Variants in CDH1 observed in about 807,000 individuals in gnomAD.
CDH1 encodes the protein cadherin-1.
In CDH1, 35 loss-of-function variants were observed where a neutral mutation model predicts 84.5. The ratio of observed to expected loss-of-function variants is 0.41; its 90% CI spans 0.32 to 0.55. CDH1 has a LOEUF of 0.55. Among genes scored for constraint, CDH1 ranks in the 20% least tolerant of loss-of-function variants. The pLI, the probability that CDH1 is intolerant of heterozygous loss-of-function variation, is 0.19. For missense variants in CDH1, 994 were observed against 1,126.6 expected, an observed-to-expected ratio of 0.88 and a Z score of 1.68; for synonymous variants, 417 against 439.0, an observed-to-expected ratio of 0.95 and a Z score of 0.63.
At chr16:68,764,275 A>G (rs748595849) in intron 2 of CDH1, among the ~76,000 whole-genome samples, 1 of 152,096 alleles carries the variant, frequency 6.6e-6, no homozygotes, top group East Asian at 1.9e-4. Flanking sequence ...GAGTGGAATT[A>G]CCAGTCTAAA....
At chr16:68,756,128 G>T (rs1411951094) in intron 2 of CDH1, among the ~76,000 whole-genome samples, 1 of 150,042 alleles carries the variant, frequency 6.7e-6, no homozygotes, top group African/African-American at 2.5e-5. Flanking sequence ...ATCATTTAGG[G>T]CATATTTTTT....
At chr16:68,783,388 C>CAAAAA (rs375080273) in intron 2 of CDH1, among the ~76,000 whole-genome samples, 1 of 61,970 alleles carries the variant, frequency 1.6e-5, no homozygotes, top group Non-Finnish European at 3.3e-5. Context: ...CAGAGTATCT[C>CAAAAA]AAAAAAAAAA....
intron 13 of CDH1, among the ~76,000 whole-genome samples, chr16:68,823,904 C>T (rs1474606386): frequency 6.6e-6 from 1 of 151,608 alleles, no homozygotes; most frequent in East Asian, 1.9e-4. Flanking sequence ...GCATCCCAAG[C>T]TTGAGAGCAT....
intron 9 of CDH1, 113 bp downstream of exon 9, chr16:68,813,608 C>T (rs150349242): frequency 9.5e-7 from 1 of 1,052,308 alleles, no homozygotes; most frequent in Non-Finnish European, 1.5e-6. Flanking sequence ...GACAGGGTGA[C>T]TTTCCCAGAT....
chr16:68,800,858 C>T (rs990100552), intron 2 of CDH1, among the ~76,000 whole-genome samples: 1 of 152,172 alleles, frequency 6.6e-6, no homozygotes, highest in African/African-American at 2.4e-5. Flanking sequence ...TTTCTTTTTA[C>T]CTATTACCAC....
At chr16:68,747,807 A>G (rs180826053) in intron 2 of CDH1, among the ~76,000 whole-genome samples, 6 of 152,182 alleles carry the variant, frequency 3.9e-5, no homozygotes, top group African/African-American at 1.2e-4. Context: ...TCTATTGTCC[A>G]GGCTGGAGTG....
chr16:68,771,468 T>A (rs1959570176), intron 2 of CDH1, among the ~76,000 whole-genome samples: 1 of 152,034 alleles, frequency 6.6e-6, no homozygotes, highest in African/African-American at 2.4e-5. Context: ...AAAAAATTTT[T>A]TGTAGCCGGG....
chr16:68,817,636 C>G (rs143570297), intron 10 of CDH1, among the ~76,000 whole-genome samples: 396 of 152,248 alleles, frequency 2.6e-3, no homozygotes, highest in Middle Eastern at 6.8e-3. Context: ...AGGGAGGCCA[C>G]AGCATCACCT....
At chr16:68,802,409 A>G in intron 3 of CDH1, among the ~76,000 whole-genome samples, 1 of 152,162 alleles carries the variant, frequency 6.6e-6, no homozygotes, top group East Asian at 1.9e-4. Context: ...ATACTTAGTC[A>G]TTGTTAGCTG....
chr16:68,778,874 G>A (rs957210284), intron 2 of CDH1, among the ~76,000 whole-genome samples: 1 of 152,164 alleles, frequency 6.6e-6, no homozygotes, highest in Non-Finnish European at 1.5e-5. Context: ...AATTGATTGA[G>A]GGGGAGAGAG....
intron 2 of CDH1, among the ~76,000 whole-genome samples, chr16:68,799,938 A>T (rs1316589684): frequency 6.6e-6 from 1 of 151,566 alleles, no homozygotes; most frequent in Non-Finnish European, 1.5e-5. Flanking sequence ...TGAACCCAGG[A>T]GGCGGAGGTT....
At position 68,823,091 on chromosome 16, in the gene CDH1, G is replaced by C. The variant is rs1961208772; in HGVS notation, c.1937-308G>C. 13 of 350,142 alleles carry C rather than the reference G, an allele frequency of 3.7e-5. No homozygotes were observed. In the South Asian group the frequency reaches 4.1e-4, roughly 11 times the overall value. The allele number at this position is 350,142 out of a possible 1,614,324, so 21.7% of individuals were successfully genotyped here. On this transcript the variant is annotated intron_variant, in intron 12 of 15. Transcript: ENST00000261769. ...GCTGGGCAAAAAGGTTCACCCTCAG[G>C]CACACGGGAGCCTACCGAACCCAGC... is the stretch of plus-strand genomic sequence containing the variant.
At chr16:68,795,528 T>C (rs62055763) in intron 2 of CDH1, among the ~76,000 whole-genome samples, 4,485 of 151,910 alleles carry the variant, frequency 0.03, 105 homozygotes, top group South Asian at 0.089. Context: ...TCTTTTTTGC[T>C]CTGTCACCTA....
At chr16:68,788,415 G>A (rs1486192359) in intron 2 of CDH1, among the ~76,000 whole-genome samples, 2 of 152,176 alleles carry the variant, frequency 1.3e-5, no homozygotes, top group African/African-American at 4.8e-5. Flanking sequence ...CACCTCCCAA[G>A]TTCCCTTGGG....
intron 2 of CDH1, among the ~76,000 whole-genome samples, chr16:68,781,379 A>C (rs1215463838): frequency 6.6e-6 from 1 of 152,086 alleles, no homozygotes; most frequent in Non-Finnish European, 1.5e-5. Context: ...TCACTCTGTC[A>C]TCCAGGCTGG....
rs1188775959 is a variant in CDH1 at position 68,755,282 on chromosome 16, C to CAAAAAA, written c.163+16888_163+16893dup. 4.3e-3 allele frequency among the ~76,000 whole-genome samples: 415 copies of CAAAAAA among 96,000 alleles called. 19 individuals carry two copies. Among genetic ancestry groups the CAAAAAA allele is most frequent in the Middle Eastern group, 6.4e-3 (1 of 156 alleles). 63.0% of individuals were successfully genotyped at this position (96,000 alleles called of 152,430 possible). Reference sequence around the variant, plus strand: ...TGGGTGACAGGGCAAGACTCTGTCTCAAAAAAAAAAAAAAAAAAAAAATAG... The same window carrying CAAAAAA: ...TGGGTGACAGGGCAAGACTCTGTCTCAAAAAAAAAAAAAAAAAAAAAAAAAAAATAG... On this transcript the variant is annotated intron_variant, in intron 2 of 15. Coordinates refer to ENST00000261769, the MANE Select transcript of CDH1 (RefSeq NM_004360.5).
Position 68,738,332 on chromosome 16 carries a change from C to T in CDH1, c.84C>T (p.Cys28=), listed in dbSNP as rs587780789. Residue 28 remains cysteine, a synonymous_variant, in exon 2 of 16, where the codon TGC becomes TGT. Transcript: ENST00000261769. Reference sequence around the variant, plus strand: ...GGCTCTGCCAGGAGCCGGAGCCCTGCCACCCTGGCTTTGACGCCGAGAGCT... The same window carrying T: ...GGCTCTGCCAGGAGCCGGAGCCCTGTCACCCTGGCTTTGACGCCGAGAGCT... ...SSWLCQEPEP[C]HPGFDAESYT... is the part of the protein sequence containing the mutation. The T allele has an allele frequency of 1.1e-4, 169 of 1,536,408 alleles. No homozygotes were observed. The highest frequency in any genetic ancestry group is 1.4e-4 in the Non-Finnish European group (165 of 1,140,142).
intron 11 of CDH1, among the ~76,000 whole-genome samples, chr16:68,820,164 T>C (rs899195840): frequency 6.6e-6 from 1 of 151,470 alleles, no homozygotes; most frequent in Non-Finnish European, 1.5e-5. Flanking sequence ...GCGCCACTGC[T>C]CTCCATCCTG....
intron 2 of CDH1, among the ~76,000 whole-genome samples, chr16:68,766,135 T>A (rs1407508425): frequency 6.6e-6 from 1 of 152,114 alleles, no homozygotes; most frequent in Non-Finnish European, 1.5e-5. Flanking sequence ...GGTGCGCGCC[T>A]GTAGTCCCAG....
Sources: gnomAD v4.1 joint callset for allele counts (sites outside exome capture counted in the v4.1 genomes callset) on GRCh38, gnomAD v4.1.1 for gene constraint, MANE v1.5 for transcripts, NCBI Gene and HGNC (gene_info 2026-07-23, HGNC 2026-07-21) for gene names.